Variants in PALS2 observed in about 807,000 individuals in gnomAD.
The protein encoded by PALS2 is protein PALS2.
PALS2 carries 27 observed loss-of-function variants against 61.6 expected under a neutral mutation model. That is an observed-to-expected ratio of 0.44 (90% CI 0.32 to 0.60). The LOEUF (loss-of-function observed/expected upper bound fraction) is 0.60, where lower values mean the gene tolerates loss of function less well. Among genes scored for constraint, PALS2 ranks in the 20% least tolerant of loss-of-function variants. The probability of loss-of-function intolerance (pLI) is 0.05; values close to 1 mark genes in which losing one functional copy is unlikely to be tolerated. For synonymous variants in PALS2, 236 were observed against 218.6 expected (o/e 1.08, Z -0.70); for missense variants, 554 against 639.4 (o/e 0.87, Z 1.44).
rs534017294 is a variant in PALS2 at position 24,679,586 on chromosome 7, G to A, written c.1317+253G>A. Among the ~76,000 whole-genome samples, 3 of 152,278 alleles carry A rather than the reference G, an allele frequency of 2.0e-5. No homozygotes were observed. The East Asian group carries it at 5.8e-4, about 29-fold the overall frequency. ...TAGATCTACAATAGAAGTTTAGTAT[G>A]TATTTATTTACCTGTTCAAGTAATG... On this transcript the variant is annotated intron_variant, in intron 10 of 11. Transcript: ENST00000222644.
chr7:24,662,957 T>A (rs1221413795), intron 5 of PALS2, among the ~76,000 whole-genome samples: 2 of 152,148 alleles, frequency 1.3e-5, no homozygotes, highest in Non-Finnish European at 2.9e-5. Flanking sequence ...AATGCAAATG[T>A]AAAAGAAATG....
chr7:24,638,777 C>T (rs2128068957), intron 2 of PALS2, among the ~76,000 whole-genome samples: 1 of 152,242 alleles, frequency 6.6e-6, no homozygotes, highest in East Asian at 1.9e-4. Context: ...CAACCCCTTG[C>T]CATTAGTCTT....
intron 1 of PALS2, among the ~76,000 whole-genome samples, chr7:24,609,063 A>G (rs1489621449): frequency 6.6e-6 from 1 of 152,214 alleles, no homozygotes; most frequent in Admixed American, 6.5e-5. Context: ...AAAATGTTAA[A>G]ATTCTCTTCT....
At chr7:24,642,710 C>T (rs567788079) in intron 3 of PALS2, among the ~76,000 whole-genome samples, 68 of 152,240 alleles carry the variant, frequency 4.5e-4, no homozygotes, top group African/African-American at 1.6e-3. Context: ...AACAATGTTA[C>T]TGCAAAATAT....
At chr7:24,583,297 G>A (rs999638554) in intron 1 of PALS2, among the ~76,000 whole-genome samples, 4 of 152,002 alleles carry the variant, frequency 2.6e-5, no homozygotes, top group African/African-American at 4.8e-5. Flanking sequence ...ATTTTTAAAA[G>A]GTTGGACTAT....
chr7:24,640,815 T>C (rs370389818), intron 2 of PALS2, among the ~76,000 whole-genome samples: 32 of 152,126 alleles, frequency 2.1e-4, no homozygotes, highest in Admixed American at 1.3e-3. Context: ...AAGACCATCC[T>C]GGCTAACATG....
At position 24,618,239 on chromosome 7, in the gene PALS2, A is replaced by G. The variant is rs1186234637; in HGVS notation, c.-2-5427A>G. On this transcript the variant is annotated intron_variant, in intron 1 of 11. Transcript: ENST00000222644. The surrounding 1 kb of genome is among the most constrained non-coding windows in gnomAD (Gnocchi z 5.1). Reference sequence around the variant, plus strand: ...GGCATACAGTGGTGTGACTGGCTCAAGGGTGGGTTCTCCCTGGATGTGTCC... The same window carrying G: ...GGCATACAGTGGTGTGACTGGCTCAGGGGTGGGTTCTCCCTGGATGTGTCC... Among the ~76,000 whole-genome samples the G allele has an allele frequency of 2.0e-5, 3 of 152,154 alleles. No homozygotes were observed. The highest frequency in any genetic ancestry group is 7.2e-5 in the African/African-American group (3 of 41,440).
rs139388510 is a variant in PALS2 at position 24,670,608 on chromosome 7, T to C, written c.1114+1948T>C. Among the ~76,000 whole-genome samples the C allele has an allele frequency of 5.3e-3, 801 of 152,328 alleles. 15 individuals are homozygous for C. Among genetic ancestry groups the C allele is most frequent in the Non-Finnish European group, 3.7e-3 (250 of 68,032 alleles). ...TATTTTCTGCCCTTTATTTGACTAA[T>C]TAGCAGAGAATAGAATTCTGGATTG... On this transcript the variant is annotated intron_variant, in intron 9 of 11. Transcript: ENST00000222644.
chr7:24,610,189 C>A (rs1030023268), intron 1 of PALS2, among the ~76,000 whole-genome samples: 1 of 152,068 alleles, frequency 6.6e-6, no homozygotes, highest in Non-Finnish European at 1.5e-5. Flanking sequence ...GAGTTAGATA[C>A]CATTGTCATT....
At chr7:24,672,135 G>C (rs548614064) in intron 9 of PALS2, among the ~76,000 whole-genome samples, 2 of 150,724 alleles carry the variant, frequency 1.3e-5, no homozygotes, top group African/African-American at 4.8e-5. Flanking sequence ...GCAGCAATTG[G>C]AAGCTTATCT....
intron 4 of PALS2, 90 bp from the exon 5 acceptor site, chr7:24,650,395 G>C (rs1786076612): frequency 1.8e-6 from 2 of 1,081,668 alleles, no homozygotes; most frequent in Non-Finnish European, 2.6e-6. Flanking sequence ...ATTTTACCTA[G>C]TTTTAGAATT....
At chr7:24,681,296 G>A (rs547197534) in intron 11 of PALS2, among the ~76,000 whole-genome samples, 8 of 151,906 alleles carry the variant, frequency 5.3e-5, no homozygotes, top group African/African-American at 9.7e-5. Flanking sequence ...TATGCCGATC[G>A]CCTAGCTTCA....
At chr7:24,627,720 C>A (rs1370003201) in intron 2 of PALS2, among the ~76,000 whole-genome samples, 1 of 152,142 alleles carries the variant, frequency 6.6e-6, no homozygotes, top group East Asian at 1.9e-4. Flanking sequence ...AAACTACCAT[C>A]AGAAAATACT....
At chr7:24,666,845 A>G (rs1442700086) in intron 8 of PALS2, 1 of 152,194 alleles carries the variant, frequency 6.6e-6, no homozygotes, top group African/African-American at 2.4e-5. Flanking sequence ...AATGGAAACT[A>G]CTATATTTAT....
At chr7:24,605,991 A>G (rs778850070) in intron 1 of PALS2, among the ~76,000 whole-genome samples, 2 of 152,140 alleles carry the variant, frequency 1.3e-5, no homozygotes, top group Admixed American at 6.5e-5. Flanking sequence ...TGTCAACCCA[A>G]AGATGATCTC....
chr7:24,601,507 G>A (rs148557572), intron 1 of PALS2, among the ~76,000 whole-genome samples: 3 of 152,120 alleles, frequency 2.0e-5, no homozygotes, highest in African/African-American at 4.8e-5. Context: ...ACGTGTCACC[G>A]ATCTTCTTAG....
At chr7:24,647,500 C>G (rs572204877) in intron 3 of PALS2, among the ~76,000 whole-genome samples, 1 of 152,108 alleles carries the variant, frequency 6.6e-6, no homozygotes, top group Admixed American at 6.6e-5. Context: ...TTCTTCAGCT[C>G]AGCTCTAATT....
At position 24,637,458 on chromosome 7, in the gene PALS2, A is replaced by G. The variant is rs375416918; in HGVS notation, c.118-4258A>G. Among the ~76,000 whole-genome samples the G allele has an allele frequency of 9.9e-5, 15 of 151,588 alleles. 1 individual carries two copies. The highest frequency in any genetic ancestry group is 7.2e-4 in the Admixed American group (11 of 15,272). ...TATTAGTGAGCCTGTGTTGATCTTG[A>G]GTTTTAGGTCTCTAGAATAAAAGAA... On this transcript the variant is annotated intron_variant, in intron 2 of 11. Transcript: ENST00000222644.
At chr7:24,586,616 A>T (rs964509666) in intron 1 of PALS2, among the ~76,000 whole-genome samples, 11 of 152,182 alleles carry the variant, frequency 7.2e-5, no homozygotes, top group African/African-American at 2.4e-4. Flanking sequence ...GAATAGATGG[A>T]AAGCTAGATA....
Sources: gnomAD v4.1 joint callset for allele counts (sites outside exome capture counted in the v4.1 genomes callset) on GRCh38, gnomAD v4.1.1 for gene constraint, Gnocchi (gnomAD v3.1) non-coding constraint, MANE v1.5 for transcripts, NCBI Gene and HGNC (gene_info 2026-07-23, HGNC 2026-07-21) for gene names.